NR3C1: variants seen among roughly 807,000 people sequenced by gnomAD.
NR3C1 encodes the protein nuclear receptor subfamily 3 group C member 1, also known as glucocorticoid receptor.
A neutral mutation model predicts 74.0 loss-of-function variants in NR3C1; 14 were observed. The ratio of observed to expected loss-of-function variants is 0.19; its 90% confidence interval spans 0.12 to 0.30. The LOEUF (loss-of-function observed/expected upper bound fraction) is 0.30. Ranked by LOEUF, NR3C1 falls within the 10% of genes least tolerant of loss-of-function variation. The pLI is 1.00. For missense variants in NR3C1, 695 were observed against 909.8 expected (o/e 0.76, Z 3.04); for synonymous variants, 308 against 332.5 (o/e 0.93, Z 0.80).
At chr5:143,424,867 GTCC>G (rs1467634437) in intron 1 of NR3C1, among the ~76,000 whole-genome samples, 2 of 152,136 alleles carry the variant, frequency 1.3e-5, no homozygotes, top group Non-Finnish European at 2.9e-5. Flanking sequence ...TTCTGAAATT[GTCC>G]TCCTTTAGAG....
intron 2 of NR3C1, among the ~76,000 whole-genome samples, chr5:143,379,258 A>G (rs181819776): frequency 6.6e-6 from 1 of 152,344 alleles, no homozygotes; most frequent in Non-Finnish European, 1.5e-5. Context: ...CTTTGCATTT[A>G]CCTAGCCCTT....
intron 1 of NR3C1, among the ~76,000 whole-genome samples, chr5:143,410,045 A>G (rs1175665903): frequency 1.3e-5 from 2 of 152,262 alleles, no homozygotes; most frequent in Non-Finnish European, 2.9e-5. Context: ...AAATGTTGCC[A>G]TAAGCAGGAA....
At chr5:143,395,182 A>C (rs11742942) in intron 2 of NR3C1, among the ~76,000 whole-genome samples, 1 of 152,018 alleles carries the variant, frequency 6.6e-6, no homozygotes, top group Admixed American at 6.5e-5. Flanking sequence ...AGGGAAAGGA[A>C]CACTTAGTAG....
At position 143,279,542 on chromosome 5, in the gene NR3C1, A is replaced by G. The variant is rs1812797789; in HGVS notation, c.*2347T>C. ...GCCGGGTTACACACCATCTTAAAAT[A>G]TTACATTCCCTTTTAGAGAGCATTC... On this transcript the variant is annotated 3_prime_UTR_variant, in exon 9 of 9. Transcript: ENST00000394464. 1.3e-6 allele frequency: 1 copy of G among 793,724 alleles called. No individual in the cohort carries two copies. Among genetic ancestry groups the G allele is most frequent in the Non-Finnish European group, 1.8e-6 (1 of 550,752 alleles). 49.2% of individuals were successfully genotyped at this position (793,724 alleles called of 1,614,324 possible). A position where few individuals can be genotyped will look rare whatever the true frequency, so the allele number is the denominator to read the frequency against.
chr5:143,309,306 C>T (rs2282800), intron 4 of NR3C1, among the ~76,000 whole-genome samples: 10,679 of 152,066 alleles, frequency 0.07, 470 homozygotes, highest in South Asian at 0.19. Context: ...CTCTTGACCT[C>T]GTGATCCGCC....
At chr5:143,322,521 G>T (rs1328692583) in intron 2 of NR3C1, among the ~76,000 whole-genome samples, 2 of 152,144 alleles carry the variant, frequency 1.3e-5, no homozygotes, top group African/African-American at 4.8e-5. Flanking sequence ...GCCAGACTAG[G>T]TCAAATAGGT....
intron 2 of NR3C1, among the ~76,000 whole-genome samples, chr5:143,392,059 A>G (rs1838333741): frequency 6.6e-6 from 1 of 151,448 alleles, no homozygotes; most frequent in African/African-American, 2.4e-5. Flanking sequence ...TCCGCCTCCC[A>G]GGTTCACACC....
intron 1 of NR3C1, among the ~76,000 whole-genome samples, chr5:143,418,499 A>G (rs1751040146): frequency 6.6e-6 from 1 of 152,186 alleles, no homozygotes; most frequent in African/African-American, 2.4e-5. Flanking sequence ...CATTATCTCT[A>G]ACTGCAAAGT....
At chr5:143,398,358 T>A (rs72801092) in intron 2 of NR3C1, among the ~76,000 whole-genome samples, 1 of 57,596 alleles carries the variant, frequency 1.7e-5, no homozygotes, top group East Asian at 2.9e-4. Flanking sequence ...GTTTTTTGGT[T>A]TTTTTTTTTT....
intron 2 of NR3C1, among the ~76,000 whole-genome samples, chr5:143,353,378 T>C (rs1263697312): frequency 6.6e-6 from 1 of 152,184 alleles, no homozygotes; most frequent in Non-Finnish European, 1.5e-5. Context: ...CTTAATAGCA[T>C]CTAGAATGGC....
intron 5 of NR3C1, among the ~76,000 whole-genome samples, chr5:143,299,528 G>A (rs1818062239): frequency 6.6e-6 from 1 of 152,060 alleles, no homozygotes; most frequent in South Asian, 2.1e-4. Flanking sequence ...AAGTTTTAGT[G>A]TTCAGTAGCA....
chr5:143,325,305 A>G (rs1235399098), intron 2 of NR3C1, among the ~76,000 whole-genome samples: 1 of 152,228 alleles, frequency 6.6e-6, no homozygotes, highest in African/African-American at 2.4e-5. Flanking sequence ...GGAAGAGGCA[A>G]AAGGGGAAAC....
intron 2 of NR3C1, among the ~76,000 whole-genome samples, chr5:143,349,871 G>A (rs1220863139): frequency 6.6e-6 from 1 of 152,162 alleles, no homozygotes; most frequent in Admixed American, 6.5e-5. Context: ...CACACCTGGT[G>A]CGGTGATGGT....
chr5:143,292,858 G>A (rs1231773902), intron 7 of NR3C1, among the ~76,000 whole-genome samples: 1 of 152,132 alleles, frequency 6.6e-6, no homozygotes, highest in Non-Finnish European at 1.5e-5. Context: ...TATTCTTCTA[G>A]ATTTTGAAGT....
At chr5:143,351,134 T>C (rs147771484) in intron 2 of NR3C1, among the ~76,000 whole-genome samples, 2 of 152,318 alleles carry the variant, frequency 1.3e-5, no homozygotes, top group African/African-American at 4.8e-5. Context: ...TATAACTGCC[T>C]TCGTATGTAG....
chr5:143,320,331 G>A (rs1823090562), intron 2 of NR3C1, among the ~76,000 whole-genome samples: 1 of 152,144 alleles, frequency 6.6e-6, no homozygotes, highest in South Asian at 2.1e-4. Flanking sequence ...TATTGAGAGA[G>A]GTTTGCATTG....
intron 2 of NR3C1, among the ~76,000 whole-genome samples, chr5:143,396,361 A>T (rs944810527): frequency 3.3e-5 from 5 of 151,852 alleles, no homozygotes; most frequent in Non-Finnish European, 7.4e-5. Context: ...ACTTTACATA[A>T]ATGAGTACCA....
intron 1 of NR3C1, chr5:143,402,557 G>C (rs1453751934): frequency 5.1e-6 from 5 of 975,422 alleles, no homozygotes; most frequent in African/African-American, 1.8e-5. Context: ...GGCGGGGGTG[G>C]AGAAGAGAAA....
chr5:143,303,631 A>G (rs1818960214), intron 4 of NR3C1, among the ~76,000 whole-genome samples: 1 of 152,056 alleles, frequency 6.6e-6, no homozygotes, highest in African/African-American at 2.4e-5. Flanking sequence ...AACAACAACA[A>G]CAACAAAACT....
Sources: gnomAD v4.1 joint callset for allele counts (sites outside exome capture counted in the v4.1 genomes callset) on GRCh38, gnomAD v4.1.1 for gene constraint, MANE v1.5 for transcripts, NCBI Gene and HGNC (gene_info 2026-07-23, HGNC 2026-07-21) for gene names.